The following PRKAR1B variants were observed in gnomAD, a reference collection of about 807,000 sequenced individuals.
The protein encoded by PRKAR1B is cAMP-dependent protein kinase type I-beta regulatory subunit.
PRKAR1B carries 22 observed loss-of-function variants against 46.5 expected under a neutral mutation model. The observed-to-expected ratio is 0.47, with a 90% CI of 0.34 to 0.68. The LOEUF (loss-of-function observed/expected upper bound fraction) is 0.68. Ranked by LOEUF, PRKAR1B falls within the 30% of genes least tolerant of loss-of-function variation. The pLI, the probability that PRKAR1B is intolerant of heterozygous loss-of-function variation, is 0.01. For missense variants in PRKAR1B, 445 were observed against 535.6 expected (o/e 0.83, Z 1.67); for synonymous variants, 259 against 217.7 (o/e 1.19, Z -1.67).
At chr7:702,380 T>C (rs1445313603) in intron 2 of PRKAR1B, among the ~76,000 whole-genome samples, 2 of 152,124 alleles carry the variant, frequency 1.3e-5, no homozygotes, top group South Asian at 2.1e-4. Flanking sequence ...ATAATTACAT[T>C]AAATGTACAT....
intron 4 of PRKAR1B, among the ~76,000 whole-genome samples, chr7:625,442 T>C (rs1477946018): frequency 6.6e-6 from 1 of 152,028 alleles, no homozygotes; most frequent in East Asian, 1.9e-4. Context: ...AATAGGAAAA[T>C]ACTAAAGAAA....
intron 9 of PRKAR1B, among the ~76,000 whole-genome samples, chr7:568,942 G>A (rs770554719): frequency 1.3e-5 from 2 of 152,098 alleles, no homozygotes; most frequent in East Asian, 1.9e-4. Flanking sequence ...GGGCCCGCGG[G>A]GGGTGGTTCG....
intron 2 of PRKAR1B, among the ~76,000 whole-genome samples, chr7:703,117 G>T (rs903400832): frequency 6.6e-6 from 1 of 152,184 alleles, no homozygotes; most frequent in African/African-American, 2.4e-5. Context: ...ATTAATATCA[G>T]ATAAAGCAGA....
intron 4 of PRKAR1B, among the ~76,000 whole-genome samples, chr7:617,830 G>A (rs754646304): frequency 3.5e-4 from 53 of 152,282 alleles, no homozygotes; most frequent in Admixed American, 1.5e-3. Flanking sequence ...TGGGCCCCGC[G>A]TAGCACTCAC....
chr7:599,957 C>T (rs540377740), intron 6 of PRKAR1B, among the ~76,000 whole-genome samples: 4 of 135,196 alleles, frequency 3.0e-5, no homozygotes, highest in South Asian at 4.7e-4. Context: ...CTGGGGGAGG[C>T]GCACGGGCAG....
At chr7:631,680 G>A (rs182136590) in intron 4 of PRKAR1B, among the ~76,000 whole-genome samples, 151 of 152,300 alleles carry the variant, frequency 9.9e-4, no homozygotes, top group African/African-American at 3.3e-3. Context: ...GATGCCAGAC[G>A]CGGTGCCTCA....
intron 2 of PRKAR1B, among the ~76,000 whole-genome samples, chr7:692,944 T>G (rs527622494): frequency 6.6e-6 from 1 of 151,692 alleles, no homozygotes; most frequent in Non-Finnish European, 1.5e-5. Context: ...GGGACTTTTT[T>G]TTTTTCTTGA....
chr7:632,794 G>T (rs1370678342), intron 4 of PRKAR1B, among the ~76,000 whole-genome samples: 1 of 152,214 alleles, frequency 6.6e-6, no homozygotes, highest in African/African-American at 2.4e-5. Flanking sequence ...GCCATCAGGA[G>T]GATTCCGTGG....
Position 560,680 on chromosome 7 carries a change from T to C in PRKAR1B, c.892-9210A>G, listed in dbSNP as rs527955736. Among the ~76,000 whole-genome samples the C allele has an allele frequency of 2.0e-5, 3 of 152,296 alleles. No homozygotes were observed. Among genetic ancestry groups the C allele is most frequent in the South Asian group, 4.1e-4 (2 of 4,826 alleles). On this transcript the variant is annotated intron_variant, in intron 9 of 10. Transcript: ENST00000537384. The surrounding 1 kb of genome is among the most constrained non-coding windows in gnomAD (Gnocchi z 4.2). ...ACCAGCCAGTCTCAGGCAAGGCCCA[T>C]AGCTGCTCCAGCCTCAGCTGCCTCA...
At chr7:624,727 A>G (rs2128475331) in intron 4 of PRKAR1B, among the ~76,000 whole-genome samples, 1 of 152,352 alleles carries the variant, frequency 6.6e-6, no homozygotes, top group Non-Finnish European at 1.5e-5. Flanking sequence ...GCAAAATCTG[A>G]TCAAACTGCA....
chr7:568,039 C>T (rs1779281061), intron 9 of PRKAR1B, among the ~76,000 whole-genome samples: 1 of 152,198 alleles, frequency 6.6e-6, no homozygotes, highest in South Asian at 2.1e-4. Context: ...TTCACGTTAT[C>T]TGTATTTTAT....
At chr7:606,306 G>T in intron 5 of PRKAR1B, 67 bp from the exon 6 acceptor site, 1 of 1,513,334 alleles carries the variant, frequency 6.6e-7, no homozygotes, top group Non-Finnish European at 9.2e-7. Context: ...AGTTTCTCTT[G>T]CAAACGACTT....
chr7:587,847 G>A (rs1316605981), intron 7 of PRKAR1B, among the ~76,000 whole-genome samples: 1 of 152,236 alleles, frequency 6.6e-6, no homozygotes, highest in Non-Finnish European at 1.5e-5. Context: ...CAAGGGGGAA[G>A]GGCTGGAGGA....
intron 8 of PRKAR1B, among the ~76,000 whole-genome samples, chr7:583,346 T>C (rs1002063736): frequency 1.3e-5 from 2 of 148,896 alleles, no homozygotes; most frequent in Non-Finnish European, 3.0e-5. Flanking sequence ...TACACACACG[T>C]GCACACACAC....
intron 4 of PRKAR1B, among the ~76,000 whole-genome samples, chr7:675,322 C>A (rs897132242): frequency 6.6e-6 from 1 of 152,240 alleles, no homozygotes; most frequent in African/African-American, 2.4e-5. Flanking sequence ...AGGGTCCCCA[C>A]CTGCACTCAC....
upstream of PRKAR1B, chr7:727,417 C>G (rs1453021677): frequency 3.6e-5 from 20 of 553,346 alleles, no homozygotes; most frequent in Non-Finnish European, 5.1e-5. Flanking sequence ...GCCCCGCCCC[C>G]CTCCACGCCC....
At position 724,679 on chromosome 7, in the gene PRKAR1B, T is replaced by C. The variant is rs1261949999; in HGVS notation, c.-23+2531A>G. ...TTCAGGGAAGCCTTAAAAGTCTAGT[T>C]CAACATCCCTTGACACTCATTCTCT... On this transcript the variant is annotated intron_variant, in intron 1 of 10. Transcript: ENST00000537384. Among the ~76,000 whole-genome samples, 4 of 152,218 alleles carry C rather than the reference T, an allele frequency of 2.6e-5. No homozygotes were observed. In the East Asian group the frequency reaches 7.7e-4, roughly 29 times the overall value.
intron 4 of PRKAR1B, among the ~76,000 whole-genome samples, chr7:618,376 A>G (rs1475050288): frequency 6.6e-6 from 1 of 152,106 alleles, no homozygotes; most frequent in East Asian, 1.9e-4. Flanking sequence ...TTTTGCCTAT[A>G]CATTTATTCC....
chr7:673,666 G>C (rs116640162), intron 4 of PRKAR1B, among the ~76,000 whole-genome samples: 48 of 151,158 alleles, frequency 3.2e-4, no homozygotes, highest in African/African-American at 1.1e-3. Flanking sequence ...AAAAAAAATA[G>C]TCTTCAGCTC....
Sources: gnomAD v4.1 joint callset for allele counts (sites outside exome capture counted in the v4.1 genomes callset) on GRCh38, gnomAD v4.1.1 for gene constraint, Gnocchi (gnomAD v3.1) non-coding constraint, MANE v1.5 for transcripts, NCBI Gene and HGNC (gene_info 2026-07-23, HGNC 2026-07-21) for gene names.